KPNA2: variants seen among roughly 807,000 people sequenced by gnomAD.
KPNA2 encodes the protein importin subunit alpha-1.
In KPNA2, 20 loss-of-function variants were observed where a neutral mutation model predicts 53.7. That is an observed-to-expected ratio of 0.37 (90% CI 0.26 to 0.54). The LOEUF (loss-of-function observed/expected upper bound fraction) is 0.54, where lower values mean the gene tolerates loss of function less well. KPNA2 is among the 20% of genes least tolerant of loss of function. KPNA2 has a pLI of 0.83. For missense variants in KPNA2, 515 were observed against 640.3 expected, an observed-to-expected ratio of 0.80 and a Z score of 2.11; for synonymous variants, 238 against 227.5, an observed-to-expected ratio of 1.05 and a Z score of -0.42.
rs782168222 is a variant in KPNA2, at chr17:68,043,130, C to G, written c.697C>G (p.Leu233Val). ...CGYLRNLTWTLSNLCRNKNPA... is the reference protein window; with the variant it reads ...CGYLRNLTWTVSNLCRNKNPA... ...CTACTTACGTAATCTTACCTGGACA[C>G]TTTCTAATCTTTGCCGCAACAAGAA... The change falls in exon 7 of 11, where the codon CTT (leucine) becomes GTT (valine). Residue 233 changes from leucine to valine, a missense_variant. By Grantham distance (32) the Leu-to-Val change is conservative. Transcript: ENST00000330459. 1.9e-6 allele frequency: 3 copies of G among 1,613,992 alleles called. No homozygotes were observed. The highest frequency in any genetic ancestry group is 3.3e-5 in the Admixed American group (2 of 59,996).
At chr17:68,046,408 G>T (rs782196985) in intron 10 of KPNA2, 96 bp from the exon 11 acceptor site, 5 of 704,038 alleles carry the variant, frequency 7.1e-6, no homozygotes, top group African/African-American at 1.8e-5. Flanking sequence ...GGTGTAATAT[G>T]CAGATCAAGA....
At chr17:68,042,794 G>T in intron 5 of KPNA2, 111 bp from the exon 6 acceptor site, 1 of 791,586 alleles carries the variant, frequency 1.3e-6, no homozygotes, top group Non-Finnish European at 2.1e-6. Flanking sequence ...AACCCAGGAG[G>T]CGGAGCTTGC....
chr17:68,036,066 G>A (rs1361637322), intron 1 of KPNA2: 2 of 152,274 alleles, frequency 1.3e-5, no homozygotes, highest in African/African-American at 4.8e-5. Context: ...AGGCCTTAAC[G>A]CGTCGCGGCC....
At chr17:68,040,423 A>G (rs1467942349) in intron 3 of KPNA2, among the ~76,000 whole-genome samples, 1 of 152,052 alleles carries the variant, frequency 6.6e-6, no homozygotes, top group African/African-American at 2.4e-5. Context: ...AATTGTTCAA[A>G]GCTGCCTTTT....
At chr17:68,044,206 AC>A in intron 8 of KPNA2, 114 bp from the exon 9 acceptor site, 5 of 1,283,408 alleles carry the variant, frequency 3.9e-6, no homozygotes, top group Non-Finnish European at 5.5e-6. Context: ...AACCCCTTTT[AC>A]TTAAGGTTGG....
intron 10 of KPNA2, 40 bp from the exon 11 acceptor site, chr17:68,046,464 C>G: frequency 1.5e-6 from 2 of 1,309,488 alleles, no homozygotes; most frequent in East Asian, 4.7e-5. Context: ...GCTTGGAATA[C>G]TTATATCATT....
At chr17:68,038,884 G>A (rs1555704121) in intron 3 of KPNA2, among the ~76,000 whole-genome samples, 2 of 151,950 alleles carry the variant, frequency 1.3e-5, no homozygotes, top group African/African-American at 4.8e-5. Flanking sequence ...GTGTGGTGGC[G>A]CCGGCCTTTA....
chr17:68,044,122 C>T (rs782491037), intron 8 of KPNA2, 51 bp downstream of exon 8: 7 of 1,484,516 alleles, frequency 4.7e-6, no homozygotes, highest in Non-Finnish European at 6.6e-6. Context: ...TTATAGAAAG[C>T]TGTGCTTGAT....
rs1308451187 is a variant in KPNA2, at chr17:68,044,497, C to A, written c.1341C>A (p.Ile447=). ...ILVILDAISN[I]FQAAEKLGET... The stretch of plus-strand genomic sequence containing the variant: ...TTATCCTGGATGCCATTTCAAATAT[C>A]TTTCAGGTAAGTCCTATCAAGGTGG... Residue 447 remains isoleucine, a synonymous_variant, in exon 9 of 11, where the codon ATC becomes ATA. Coordinates refer to ENST00000330459, the MANE Select transcript of KPNA2 (RefSeq NM_002266.4). 1.7e-5 allele frequency: 27 copies of A among 1,613,066 alleles called. No homozygotes were observed. The Admixed American group carries it at 4.3e-4, about 26-fold the overall frequency.
At chr17:68,045,061 C>T (rs2071312188) in intron 9 of KPNA2, among the ~76,000 whole-genome samples, 1 of 148,634 alleles carries the variant, frequency 6.7e-6, no homozygotes, top group African/African-American at 2.5e-5. Context: ...TGTTATTGCA[C>T]TCCAGCTTGG....
chr17:68,040,297 C>G (rs1555704358), intron 3 of KPNA2, among the ~76,000 whole-genome samples: 1 of 139,286 alleles, frequency 7.2e-6, no homozygotes. Context: ...GGAGGTCTCA[C>G]TGTGTTGCTC....
chr17:68,042,457 C>A, intron 5 of KPNA2, 104 bp downstream of exon 5: 2 of 1,175,672 alleles, frequency 1.7e-6, no homozygotes, highest in South Asian at 1.4e-5. Flanking sequence ...TTTGAGCTTG[C>A]TTTCAAGCCC....
At chr17:68,039,402 C>T (rs62084691) in intron 3 of KPNA2, among the ~76,000 whole-genome samples, 38,152 of 151,122 alleles carry the variant, frequency 0.25, 5,741 homozygotes, top group East Asian at 0.72. Flanking sequence ...ATTACAGGCG[C>T]GAGCCACTTC....
At chr17:68,036,076 C>G (rs1309785775) in intron 1 of KPNA2, 2 of 152,256 alleles carry the variant, frequency 1.3e-5, no homozygotes, top group Non-Finnish European at 2.9e-5. Flanking sequence ...GCGTCGCGGC[C>G]GGGAGAATCG....
intron 10 of KPNA2, 56 bp from the exon 11 acceptor site, chr17:68,046,448 G>A: frequency 1.9e-6 from 2 of 1,061,536 alleles, no homozygotes; most frequent in Non-Finnish European, 2.9e-6. Flanking sequence ...CTTCAGGTAG[G>A]CTGCTGCTTG....
intron 4 of KPNA2, 91 bp from the exon 5 acceptor site, chr17:68,041,994 A>G: frequency 8.8e-7 from 1 of 1,137,842 alleles, no homozygotes; most frequent in Non-Finnish European, 1.2e-6. Flanking sequence ...CTGAAGTTCT[A>G]AACTCTTGAA....
chr17:68,043,529 G>A (rs1184449067), intron 7 of KPNA2, among the ~76,000 whole-genome samples, 166 bp downstream of exon 7: 5 of 151,898 alleles, frequency 3.3e-5, no homozygotes, highest in African/African-American at 9.7e-5. Flanking sequence ...CATTGTGAAA[G>A]CCCATCTCTA....
chr17:68,037,525 C>T (rs371263901), intron 3 of KPNA2, 30 bp downstream of exon 3: 45 of 1,597,270 alleles, frequency 2.8e-5, no homozygotes, highest in African/African-American at 2.2e-4. Flanking sequence ...TTATGAGTTA[C>T]GTGAAATCCA....
chr17:68,045,149 G>A (rs2071313465), intron 9 of KPNA2, among the ~76,000 whole-genome samples: 1 of 150,632 alleles, frequency 6.6e-6, no homozygotes, highest in Non-Finnish European at 1.5e-5. Context: ...ATCTGTTACT[G>A]TGTATAAATA....
Sources: allele counts gnomAD v4.1 joint callset (sites outside exome capture counted in the v4.1 genomes callset), GRCh38; gene constraint gnomAD v4.1.1; transcripts MANE v1.5; gene names NCBI Gene and HGNC (gene_info 2026-07-23, HGNC 2026-07-21).